The following PARD3B variants were observed in gnomAD, a reference collection of about 807,000 sequenced individuals.
PARD3B encodes the protein par-3 family cell polarity regulator beta.
Under a neutral mutation model 130.2 loss-of-function variants are expected in PARD3B, and 103 were observed. That is an observed-to-expected ratio of 0.79 (90% CI 0.67 to 0.93). The LOEUF is 0.93. Among genes scored for constraint, PARD3B ranks in the 40% least tolerant of loss-of-function variants. The pLI is 0.00. For synonymous variants in PARD3B, 583 were observed against 553.2 expected, an observed-to-expected ratio of 1.05 and a Z score of -0.76; for missense variants, 1,609 against 1,499.2, an observed-to-expected ratio of 1.07 and a Z score of -1.21.
chr2:205,597,781 C>T (rs1575451410), intron 22 of PARD3B, among the ~76,000 whole-genome samples: 1 of 152,180 alleles, frequency 6.6e-6, no homozygotes, highest in Admixed American at 6.6e-5. Flanking sequence ...TAGTAGCGGA[C>T]TTTCAGCACA....
chr2:205,282,525 A>G lies in PARD3B; in HGVS notation c.2186-18005A>G, dbSNP rs573729952. Among the ~76,000 whole-genome samples, 5 of 134,074 alleles carry G rather than the reference A, an allele frequency of 3.7e-5. No homozygotes were observed. The South Asian group carries it at 1.3e-3, about 34-fold the overall frequency. 88.0% of individuals were successfully genotyped at this position (134,074 alleles called of 152,430 possible). ...TTTATGTGTATATATATATATGTAC[A>G]CACACACATATATATTTAAATTTCT... On this transcript the variant is annotated intron_variant, in intron 16 of 22. Transcript: ENST00000406610.
intron 1 of PARD3B, among the ~76,000 whole-genome samples, chr2:204,600,835 G>A (rs1162236283): frequency 1.3e-5 from 2 of 151,784 alleles, no homozygotes; most frequent in East Asian, 3.9e-4. Flanking sequence ...TATATAGAAT[G>A]TAATATATAT....
chr2:205,568,428 A>T lies in PARD3B; in HGVS notation c.3260+15025A>T, dbSNP rs1381929538. Among the ~76,000 whole-genome samples, 1 of 152,218 alleles carries T rather than the reference A, an allele frequency of 6.6e-6. No individual in the cohort carries two copies. The highest frequency in any genetic ancestry group is 1.9e-4 in the East Asian group (1 of 5,190). On this transcript the variant is annotated intron_variant, in intron 22 of 22. Coordinates refer to ENST00000406610, the MANE Select transcript of PARD3B (RefSeq NM_001302769.2). This position sits in a 1 kb window ranked among gnomAD's most constrained non-coding sequence, Gnocchi z 5.3. Reference sequence around the variant, plus strand: ...TTCACTCAAATATGCAATACATCAAAATGATGTAAGGTCTTTGACAAGTTC... The same window carrying T: ...TTCACTCAAATATGCAATACATCAATATGATGTAAGGTCTTTGACAAGTTC...
rs895525374 is a variant in PARD3B, at chr2:205,052,124, T to A, written c.504+4434T>A. Among the ~76,000 whole-genome samples the A allele has an allele frequency of 2.0e-5, 3 of 152,060 alleles. 1 individual carries two copies. The highest frequency in any genetic ancestry group is 7.2e-5 in the African/African-American group (3 of 41,430). ...AAAACAAGGTTCTTGAAACTGATGT[T>A]CTCAAACTTGCAATGGAACAGAACT... On this transcript the variant is annotated intron_variant, in intron 4 of 22. Coordinates refer to ENST00000406610, the MANE Select transcript of PARD3B (RefSeq NM_001302769.2).
intron 18 of PARD3B, among the ~76,000 whole-genome samples, chr2:205,339,304 G>T (rs2043429936): frequency 6.6e-6 from 1 of 152,154 alleles, no homozygotes; most frequent in South Asian, 2.1e-4. Flanking sequence ...ATTGTATCAA[G>T]ATTTAAAAAT....
rs181933640 is a variant in PARD3B at position 205,451,684 on chromosome 2, A to G, written c.3044+11012A>G. On this transcript the variant is annotated intron_variant, in intron 20 of 22. Transcript: ENST00000406610. ...TATTTTTAATTTTTGTGATTATGTA[A>G]TAGGTATATATATATATATATATAT... is the stretch of plus-strand genomic sequence containing the variant. Among the ~76,000 whole-genome samples the G allele has an allele frequency of 1.6e-3, 223 of 136,962 alleles. 3 individuals are homozygous for G. The East Asian group carries it at 0.037, about 23-fold the overall frequency. The allele number at this position is 136,962 out of a possible 152,430, so 89.9% of individuals were successfully genotyped here.
At chr2:204,553,613 G>A (rs62180285) in intron 1 of PARD3B, among the ~76,000 whole-genome samples, 2 of 10,586 alleles carry the variant, frequency 1.9e-4, no homozygotes, top group African/African-American at 5.3e-4. Flanking sequence ...TATATATATG[G>A]CTATATACAT....
chr2:205,484,286 A>G (rs2049354614), intron 20 of PARD3B, among the ~76,000 whole-genome samples: 1 of 152,200 alleles, frequency 6.6e-6, no homozygotes, highest in Non-Finnish European at 1.5e-5. Flanking sequence ...CAAATCCTCT[A>G]GGGAAATGTT....
intron 1 of PARD3B, among the ~76,000 whole-genome samples, chr2:204,556,087 C>T (rs2030904151): frequency 6.6e-6 from 1 of 152,176 alleles, no homozygotes; most frequent in Non-Finnish European, 1.5e-5. Context: ...AGCACCAGGT[C>T]ATAGTAGGGC....
At chr2:205,069,834 C>T (rs769562264) in intron 4 of PARD3B, among the ~76,000 whole-genome samples, 5 of 152,204 alleles carry the variant, frequency 3.3e-5, no homozygotes, top group African/African-American at 4.8e-5. Context: ...GGCAGCTGGC[C>T]TTTGTAGAGC....
At chr2:205,607,853 C>T (rs2055068135) in intron 22 of PARD3B, among the ~76,000 whole-genome samples, 2 of 151,428 alleles carry the variant, frequency 1.3e-5, no homozygotes, top group South Asian at 2.1e-4. Context: ...CACACACACA[C>T]ACACACACAC....
In PARD3B at chr2:205,574,317, T is replaced by C. The variant is rs187265374; in HGVS notation, c.3260+20914T>C. Among the ~76,000 whole-genome samples the C allele has an allele frequency of 3.9e-5, 6 of 152,264 alleles. No homozygotes were observed. In the East Asian group the frequency reaches 1.2e-3, roughly 29 times the overall value. On this transcript the variant is annotated intron_variant, in intron 22 of 22. Coordinates refer to ENST00000406610, the MANE Select transcript of PARD3B (RefSeq NM_001302769.2). ...CAAGACAAAACATGTCACTTAATAT[T>C]ATTTGCAAGTCAAGATGTCATCCTG...
intron 18 of PARD3B, among the ~76,000 whole-genome samples, chr2:205,326,915 CTG>C (rs2042957806): frequency 1.3e-5 from 2 of 152,254 alleles, no homozygotes; most frequent in South Asian, 4.2e-4. Context: ...TCTAGTATAA[CTG>C]AAATTCTCAA....
intron 1 of PARD3B, among the ~76,000 whole-genome samples, chr2:204,683,975 C>T (rs566243947): frequency 1.3e-5 from 2 of 152,208 alleles, no homozygotes; most frequent in South Asian, 2.1e-4. Flanking sequence ...TCCCAGTGTG[C>T]GTGAGGGAGG....
chr2:205,293,926 TG>T (rs1199095020), intron 16 of PARD3B: 2 of 152,140 alleles, frequency 1.3e-5, no homozygotes, highest in African/African-American at 4.8e-5. Context: ...TAACATTTTT[TG>T]ATGCTGTATC....
intron 15 of PARD3B, among the ~76,000 whole-genome samples, chr2:205,243,091 G>A (rs140895460): frequency 5.9e-5 from 9 of 152,164 alleles, no homozygotes; most frequent in African/African-American, 1.9e-4. Flanking sequence ...GGTTGAACTC[G>A]GGAAGTGGAG....
chr2:205,195,918 T>C (rs2036658697), intron 15 of PARD3B, among the ~76,000 whole-genome samples: 1 of 152,204 alleles, frequency 6.6e-6, no homozygotes, highest in African/African-American at 2.4e-5. Flanking sequence ...CAAAGGCTGA[T>C]GGATCCTATC....
intron 21 of PARD3B, among the ~76,000 whole-genome samples, chr2:205,540,265 G>A (rs1210495162): frequency 6.6e-6 from 1 of 151,892 alleles, no homozygotes; most frequent in Non-Finnish European, 1.5e-5. Context: ...CAGGTTTGAG[G>A]TTATGATTTG....
intron 4 of PARD3B, 50 bp from the exon 5 acceptor site, chr2:205,104,376 T>G: frequency 7.5e-7 from 1 of 1,329,370 alleles, no homozygotes; most frequent in Non-Finnish European, 1.1e-6. Flanking sequence ...ATTCAGATTT[T>G]CAATTCAATA....
Sources: allele counts gnomAD v4.1 joint callset (sites outside exome capture counted in the v4.1 genomes callset), GRCh38; gene constraint gnomAD v4.1.1; non-coding constraint Gnocchi (gnomAD v3.1); transcripts MANE v1.5; gene names NCBI Gene and HGNC (gene_info 2026-07-23, HGNC 2026-07-21).